SPON1: variants seen among roughly 807,000 people sequenced by gnomAD.
The protein encoded by SPON1 is spondin-1.
A neutral mutation model predicts 111.7 loss-of-function variants in SPON1; 52 were observed. The ratio of observed to expected loss-of-function variants is 0.47; its 90% confidence interval spans 0.37 to 0.59. The LOEUF (loss-of-function observed/expected upper bound fraction) is 0.59, where lower values mean the gene tolerates loss of function less well. Ranked by LOEUF, SPON1 falls within the 20% of genes least tolerant of loss-of-function variation. The pLI is 0.00. For synonymous variants in SPON1, 410 were observed against 395.8 expected (o/e 1.04, Z -0.43); for missense variants, 957 against 1,068.5 (o/e 0.90, Z 1.46).
intron 1 of SPON1, among the ~76,000 whole-genome samples, chr11:13,963,633 C>A (rs1847992651): frequency 6.6e-6 from 1 of 152,202 alleles, no homozygotes; most frequent in South Asian, 2.1e-4. Flanking sequence ...ACAGCCACTC[C>A]GGCTTCCCTG....
At chr11:14,186,235 G>A (rs1377341771) in intron 6 of SPON1, among the ~76,000 whole-genome samples, 1 of 152,226 alleles carries the variant, frequency 6.6e-6, no homozygotes, top group Non-Finnish European at 1.5e-5. Context: ...AACACAGTGT[G>A]TGATTAATTG....
chr11:13,976,922 C>T (rs1407595632), intron 1 of SPON1, among the ~76,000 whole-genome samples: 3 of 152,140 alleles, frequency 2.0e-5, no homozygotes, highest in Non-Finnish European at 2.9e-5. Flanking sequence ...TGTTTTTGAG[C>T]TTTATGTAAA....
intron 5 of SPON1, among the ~76,000 whole-genome samples, chr11:14,107,218 G>A (rs1467340154): frequency 6.6e-6 from 1 of 152,136 alleles, no homozygotes; most frequent in Non-Finnish European, 1.5e-5. Context: ...TTACAGATGT[G>A]AGTGGCTTTC....
At chr11:14,134,572 C>T (rs1222170089) in intron 5 of SPON1, among the ~76,000 whole-genome samples, 1 of 152,222 alleles carries the variant, frequency 6.6e-6, no homozygotes, top group Non-Finnish European at 1.5e-5. Flanking sequence ...ATATAGCTAA[C>T]CTGCCTGCCC....
chr11:14,072,492 A>C (rs1554921028), intron 3 of SPON1, among the ~76,000 whole-genome samples: 1 of 152,010 alleles, frequency 6.6e-6, no homozygotes, highest in Admixed American at 6.6e-5. Flanking sequence ...AGAGGCAAGC[A>C]AAGGCAGGCA....
At chr11:14,104,374 CAATT>C in intron 5 of SPON1, among the ~76,000 whole-genome samples, 1 of 151,560 alleles carries the variant, frequency 6.6e-6, no homozygotes, top group Non-Finnish European at 1.5e-5. Context: ...ATTATATACA[CAATT>C]AATTTGTTTG....
chr11:14,004,551 T>G (rs941156906), intron 2 of SPON1, among the ~76,000 whole-genome samples: 41 of 152,182 alleles, frequency 2.7e-4, no homozygotes, highest in African/African-American at 9.9e-4. Flanking sequence ...TAATATCTTA[T>G]AGTGGTTTTA....
At chr11:14,076,422 T>G (rs528976026) in intron 4 of SPON1, among the ~76,000 whole-genome samples, 3 of 152,204 alleles carry the variant, frequency 2.0e-5, no homozygotes, top group Non-Finnish European at 4.4e-5. Flanking sequence ...ATAGGTAATA[T>G]GTTTGGGGTG....
intron 1 of SPON1, among the ~76,000 whole-genome samples, chr11:13,973,543 A>T (rs1472633462): frequency 3.3e-5 from 5 of 152,210 alleles, no homozygotes; most frequent in African/African-American, 1.2e-4. Flanking sequence ...TGGGGAAAGG[A>T]TTAACTTTTA....
Position 14,264,810 on chromosome 11 carries a change from G to A in SPON1, c.2261-714G>A, listed in dbSNP as rs539487803. On this transcript the variant is annotated intron_variant, in intron 15 of 15. Transcript: ENST00000576479. ...AAGATCTAACCTAATTAATCTCTGG[G>A]GTCAGGGAAGTTTTCTTGGAGAGCA... Among the ~76,000 whole-genome samples the A allele has an allele frequency of 2.6e-5, 4 of 152,224 alleles. No homozygotes were observed. The South Asian group carries it at 8.3e-4, about 32-fold the overall frequency.
chr11:14,130,178 A>G (rs1449082712), intron 5 of SPON1, among the ~76,000 whole-genome samples: 1 of 152,218 alleles, frequency 6.6e-6, no homozygotes, highest in Non-Finnish European at 1.5e-5. Flanking sequence ...GGAAGGAGCA[A>G]AACTGAGGTT....
intron 6 of SPON1, among the ~76,000 whole-genome samples, chr11:14,165,408 A>G (rs1271769709): frequency 6.6e-6 from 1 of 152,186 alleles, no homozygotes; most frequent in African/African-American, 2.4e-5. Flanking sequence ...GTGACCCCCA[A>G]GGTGAGAAGA....
rs11023095 is a variant in SPON1, at chr11:14,133,641, G to C, written c.677-1779G>C. Among the ~76,000 whole-genome samples, 471 of 152,260 alleles carry C rather than the reference G, an allele frequency of 3.1e-3. 15 individuals carry two copies. The East Asian group carries it at 0.076, about 25-fold the overall frequency. On this transcript the variant is annotated intron_variant, in intron 5 of 15. Coordinates refer to ENST00000576479, the MANE Select transcript of SPON1 (RefSeq NM_006108.4). ...AGAGTTTCTGAAGCTGCTTCACTCT[G>C]TGTCCACATCACGAACCTAAGGCCA...
chr11:14,191,005 ACTTGGT>A (rs1564927669), intron 6 of SPON1, among the ~76,000 whole-genome samples: 30 of 151,556 alleles, frequency 2.0e-4, no homozygotes, highest in African/African-American at 7.1e-4. Flanking sequence ...CAATCCCATC[ACTTGGT>A]ATATAAAGAA....
chr11:14,215,059 T>C (rs1848612886), intron 6 of SPON1, among the ~76,000 whole-genome samples: 1 of 152,162 alleles, frequency 6.6e-6, no homozygotes, highest in Non-Finnish European at 1.5e-5. Flanking sequence ...TTGTTTTTGT[T>C]TTTTTAAGAG....
In SPON1 at chr11:14,214,219, C is replaced by T. The variant is rs187681909; in HGVS notation, c.826-29113C>T. 9.2e-5 allele frequency among the ~76,000 whole-genome samples: 14 copies of T among 152,304 alleles called. No homozygotes were observed. In the East Asian group the frequency reaches 9.6e-4, roughly 10 times the overall value. On this transcript the variant is annotated intron_variant, in intron 6 of 15. Transcript: ENST00000576479. ...GAACTCTCGGCTCTGGTCCTCTGCG[C>T]GTAGGGCCCCCATCCCTAGCCGGAT...
chr11:14,036,635 C>T (rs912830429), intron 2 of SPON1, among the ~76,000 whole-genome samples: 4 of 152,088 alleles, frequency 2.6e-5, no homozygotes, highest in Non-Finnish European at 4.4e-5. Flanking sequence ...GAAATATAAA[C>T]GAATGAATCA....
chr11:14,236,117 A>C (rs1391109691), intron 6 of SPON1, among the ~76,000 whole-genome samples: 2 of 152,184 alleles, frequency 1.3e-5, no homozygotes, highest in Non-Finnish European at 2.9e-5. Context: ...GAGGAATGGC[A>C]TGATATGACT....
intron 5 of SPON1, among the ~76,000 whole-genome samples, chr11:14,110,699 G>T (rs1554925374): frequency 6.6e-6 from 1 of 152,188 alleles, no homozygotes; most frequent in African/African-American, 2.4e-5. Context: ...AGAACCTGAG[G>T]TCTAATGTCC....
Sources: allele counts gnomAD v4.1 joint callset (sites outside exome capture counted in the v4.1 genomes callset), GRCh38; gene constraint gnomAD v4.1.1; transcripts MANE v1.5; gene names NCBI Gene and HGNC (gene_info 2026-07-23, HGNC 2026-07-21).